Variants in CTNNA2 observed in about 807,000 individuals in gnomAD.
CTNNA2 encodes the protein catenin alpha 2.
A neutral mutation model predicts 101.0 loss-of-function variants in CTNNA2; 42 were observed. The observed-to-expected ratio is 0.42, with a 90% confidence interval of 0.32 to 0.54. The LOEUF is 0.54. Ranked by LOEUF, CTNNA2 falls within the 20% of genes least tolerant of loss-of-function variation. The pLI, the probability that CTNNA2 is intolerant of heterozygous loss-of-function variation, is 0.14. For missense variants in CTNNA2, 871 were observed against 1,223.1 expected (o/e 0.71, Z 4.29); for synonymous variants, 450 against 456.4 (o/e 0.99, Z 0.18).
At chr2:79,863,718 A>AT (rs1216219690) in intron 4 of CTNNA2, among the ~76,000 whole-genome samples, 4 of 152,210 alleles carry the variant, frequency 2.6e-5, no homozygotes, top group African/African-American at 9.6e-5. Flanking sequence ...TGGGGCTGGC[A>AT]TAGGGCACTC....
At chr2:79,982,377 C>CATAT (rs757309908) in intron 7 of CTNNA2, among the ~76,000 whole-genome samples, 4 of 73,090 alleles carry the variant, frequency 5.5e-5, no homozygotes, top group African/African-American at 1.8e-4. Context: ...ATATATATAA[C>CATAT]ATATATAACA....
chr2:79,914,222 C>CTGCTAG (rs1686026969), intron 7 of CTNNA2, among the ~76,000 whole-genome samples: 2 of 150,694 alleles, frequency 1.3e-5, no homozygotes, highest in African/African-American at 4.9e-5. Context: ...CCTGGACACT[C>CTGCTAG]TGCTAGACAG....
chr2:79,764,570 T>C (rs919552072), intron 3 of CTNNA2, among the ~76,000 whole-genome samples: 1 of 152,148 alleles, frequency 6.6e-6, no homozygotes, highest in Non-Finnish European at 1.5e-5. Flanking sequence ...CAAAAACAAT[T>C]CATCTGTAAG....
chr2:80,633,254 C>T (rs185449874), intron 18 of CTNNA2, among the ~76,000 whole-genome samples: 17 of 152,072 alleles, frequency 1.1e-4, no homozygotes, highest in African/African-American at 3.1e-4. Flanking sequence ...TGGTATATAA[C>T]GTTTAGGGAT....
At chr2:79,865,527 A>G (rs1349882456) in intron 4 of CTNNA2, among the ~76,000 whole-genome samples, 1 of 152,040 alleles carries the variant, frequency 6.6e-6, no homozygotes, top group Non-Finnish European at 1.5e-5. Flanking sequence ...AACAGAAATG[A>G]TAATCATAAC....
At chr2:79,968,076 G>T (rs189696262) in intron 7 of CTNNA2, among the ~76,000 whole-genome samples, 39 of 152,220 alleles carry the variant, frequency 2.6e-4, no homozygotes, top group Middle Eastern at 3.4e-3. Context: ...ATTTTAACAG[G>T]CCTGGAGTTT....
At chr2:79,536,761 G>A (rs1456327879) in intron 1 of CTNNA2, among the ~76,000 whole-genome samples, 3 of 149,280 alleles carry the variant, frequency 2.0e-5, no homozygotes, top group East Asian at 3.9e-4. Context: ...GCAGTGGTGC[G>A]ATCTTGGCTC....
intron 7 of CTNNA2, among the ~76,000 whole-genome samples, chr2:79,994,943 C>G (rs1692440491): frequency 6.6e-6 from 1 of 152,166 alleles, no homozygotes; most frequent in Non-Finnish European, 1.5e-5. Context: ...TGACAGGAGC[C>G]TCCTCATTGA....
At chr2:79,464,575 G>A (rs906994405) in intron 4 of CTNNA2, among the ~76,000 whole-genome samples, 2 of 152,114 alleles carry the variant, frequency 1.3e-5, no homozygotes, top group Non-Finnish European at 2.9e-5. Context: ...TTCCACAATG[G>A]TTGAACTAGT....
intron 3 of CTNNA2, among the ~76,000 whole-genome samples, chr2:79,830,772 T>G (rs1678868631): frequency 6.6e-6 from 1 of 152,144 alleles, no homozygotes; most frequent in Non-Finnish European, 1.5e-5. Context: ...AGGCTACAAA[T>G]TAAATGCAAC....
In CTNNA2 at chr2:79,942,272, G is replaced by A. The variant is rs112407184; in HGVS notation, c.1056+32475G>A. On this transcript the variant is annotated intron_variant, in intron 7 of 18. Transcript: ENST00000402739. ...AGATGGCTGGACAGACCAGGAAGCC[G>A]AGAACCAGGAAGGCAGTGGTTTGCT... Among the ~76,000 whole-genome samples the A allele has an allele frequency of 3.4e-3, 518 of 152,286 alleles. 2 individuals carry two copies. The highest frequency in any genetic ancestry group is 0.012 in the African/African-American group (480 of 41,572).
At chr2:79,559,520 A>T (rs981496569) in intron 1 of CTNNA2, among the ~76,000 whole-genome samples, 1 of 151,958 alleles carries the variant, frequency 6.6e-6, no homozygotes, top group Non-Finnish European at 1.5e-5. Context: ...TAGTTGAGTA[A>T]ACTTGGGAAT....
intron 5 of CTNNA2, among the ~76,000 whole-genome samples, chr2:79,871,593 C>T (rs1050738560): frequency 6.6e-6 from 1 of 152,114 alleles, no homozygotes; most frequent in African/African-American, 2.4e-5. Context: ...TGCCCCCAGC[C>T]GACTGGATGG....
At chr2:79,289,178 A>G (rs1272442960) in intron 2 of CTNNA2, among the ~76,000 whole-genome samples, 1 of 152,172 alleles carries the variant, frequency 6.6e-6, no homozygotes, top group Non-Finnish European at 1.5e-5. Context: ...GTGATTCGAG[A>G]GGGTGGACTA....
intron 3 of CTNNA2, among the ~76,000 whole-genome samples, chr2:79,830,135 G>A (rs919321279): frequency 4.6e-5 from 7 of 152,136 alleles, no homozygotes; most frequent in Admixed American, 4.6e-4. Context: ...CCTCTGGGGT[G>A]CAATACGAAA....
intron 18 of CTNNA2, among the ~76,000 whole-genome samples, chr2:80,639,226 T>C (rs1020509739): frequency 2.0e-5 from 3 of 152,314 alleles, no homozygotes; most frequent in Middle Eastern, 3.4e-3. Context: ...TTTGTTTGTT[T>C]TGAGACACAG....
chr2:79,215,362 G>T (rs1674238775), intron 2 of CTNNA2, among the ~76,000 whole-genome samples: 1 of 152,180 alleles, frequency 6.6e-6, no homozygotes, highest in South Asian at 2.1e-4. Context: ...CTGGAGATGT[G>T]GCTGGGGTTT....
chr2:80,579,858 A>T (rs1424534882), intron 13 of CTNNA2, among the ~76,000 whole-genome samples: 1 of 152,244 alleles, frequency 6.6e-6, no homozygotes, highest in Non-Finnish European at 1.5e-5. Context: ...AAACCAGCAG[A>T]ATAAAAATGT....
chr2:80,060,373 T>G (rs1201160567), intron 7 of CTNNA2, among the ~76,000 whole-genome samples: 2 of 152,144 alleles, frequency 1.3e-5, no homozygotes, highest in African/African-American at 4.8e-5. Flanking sequence ...GGCGGCAACT[T>G]TGCCATCTCT....
Sources: gnomAD v4.1 joint callset for allele counts (sites outside exome capture counted in the v4.1 genomes callset) on GRCh38, gnomAD v4.1.1 for gene constraint, MANE v1.5 for transcripts, NCBI Gene and HGNC (gene_info 2026-07-23, HGNC 2026-07-21) for gene names.